XIST: variants seen among roughly 807,000 people sequenced by gnomAD.
XIST encodes the protein X inactive specific transcript (non-protein coding).
exon 1 of XIST, chrX:73,848,048 A>G: frequency 3.6e-6 from 2 of 559,289 alleles, no homozygotes; most frequent in Non-Finnish European, 3.2e-6. Context: ...TGGGGTCTTT[A>G]GTGCACAGGA....
chrX:73,850,356 A>C, exon 1 of XIST: 1 of 537,319 alleles, frequency 1.9e-6, no homozygotes, highest in Non-Finnish European at 3.3e-6. Context: ...AAAACTCATT[A>C]AATGTAATTA....
chrX:73,826,577 A>AAC (rs1279208476), exon 6 of XIST: 2 of 557,860 alleles, frequency 3.6e-6, no homozygotes, highest in African/African-American at 4.5e-5. Context: ...CTTAAAGATA[A>AAC]ACAGGAGAAC....
chrX:73,825,604 G>A (rs1922232155), exon 6 of XIST: 1 of 513,872 alleles, frequency 1.9e-6, no homozygotes, highest in Non-Finnish European at 3.5e-6. Flanking sequence ...AAATCCAATT[G>A]GCTCAAAAAC....
rs771156166 is a variant in XIST, at chrX:73,838,363, A to G, written n.11343-860T>C. On this transcript the variant is annotated intron_variant and non_coding_transcript_variant, in intron 1 of 5. Transcript: ENST00000429829. ...GCTTGGGTCTACTGCATAACCTCTC[A>G]TGTTTCCGGGAACACTAGAAGACTA... is the stretch of plus-strand genomic sequence containing the variant. Among the ~76,000 whole-genome samples, 20 of 111,132 alleles carry G rather than the reference A, an allele frequency of 1.8e-4. No individual in the cohort carries two copies. The East Asian group carries it at 4.5e-3, about 25-fold the overall frequency.
chrX:73,847,259 G>A (rs180923892), exon 1 of XIST: 5 of 555,467 alleles, frequency 9.0e-6, no homozygotes, highest in African/African-American at 4.5e-5. Context: ...AAGGAAGCGG[G>A]ATTCTACTCT....
rs1922969856 is a variant in XIST, at chrX:73,852,286, C to G, written n.438G>C. 1.1e-5 allele frequency: 6 copies of G among 541,936 alleles called. No individual in the cohort carries two copies. The East Asian group carries it at 2.0e-4, about 18-fold the overall frequency. 44.7% of individuals were successfully genotyped at this position (541,936 alleles called of 1,213,427 possible). On this transcript the variant is annotated non_coding_transcript_exon_variant, in exon 1 of 6. Transcript: ENST00000429829. The stretch of plus-strand genomic sequence containing the variant: ...AAAATAAAAAGCAGGTATCCGCGGC[C>G]CCGATGGGCGAATAAAAAAGAATTA...
intron 4 of XIST, chrX:73,829,495 T>A (rs1428318794): frequency 2.3e-5 from 5 of 222,034 alleles, no homozygotes; most frequent in Non-Finnish European, 3.2e-5. Flanking sequence ...TATACCTTAG[T>A]TAAAGACCAG....
At chrX:73,846,352 C>T (rs1922770459) in exon 1 of XIST, 1 of 558,865 alleles carries the variant, frequency 1.8e-6, no homozygotes, top group Non-Finnish European at 3.2e-6. Context: ...ATGTGAGAGT[C>T]TTATGGAGTG....
chrX:73,821,281 C>T (rs1178975578), exon 6 of XIST: 6 of 555,820 alleles, frequency 1.1e-5, no homozygotes, highest in Non-Finnish European at 1.6e-5. Context: ...TCCTTCTCCA[C>T]TTATGGATGT....
exon 1 of XIST, chrX:73,844,279 G>C (rs777603978): frequency 1.8e-6 from 1 of 559,097 alleles, no homozygotes; most frequent in Non-Finnish European, 3.2e-6. Context: ...ATACATTAAT[G>C]TCCAAGGGAC....
In XIST at chrX:73,851,710, T is replaced by C. The variant is rs1922947206; in HGVS notation, n.1014A>G. On this transcript the variant is annotated non_coding_transcript_exon_variant, in exon 1 of 6. Coordinates refer to ENST00000429829, the Ensembl canonical transcript of XIST. ...AATTCATTCAGATAGGTTTAGCTCATGCAATGCACATGACTTCCTCTGCCT... is the reference window on the plus strand; with the variant it reads ...AATTCATTCAGATAGGTTTAGCTCACGCAATGCACATGACTTCCTCTGCCT... 4 of 557,413 alleles carry C rather than the reference T, an allele frequency of 7.2e-6. No individual in the cohort carries two copies. The East Asian group carries it at 9.8e-5, about 14-fold the overall frequency. The allele number at this position is 557,413 out of a possible 1,213,427, so 45.9% of individuals were successfully genotyped here.
At chrX:73,848,037 G>C in exon 1 of XIST, 1 of 559,406 alleles carries the variant, frequency 1.8e-6, no homozygotes, top group Non-Finnish European at 3.2e-6. Context: ...AGGGAAGTGA[G>C]TGGGGTCTTT....
chrX:73,833,847 A>G (rs1922432932), intron 2 of XIST: 1 of 111,809 alleles, frequency 8.9e-6, no homozygotes, highest in South Asian at 3.8e-4. Context: ...ACTGTATAGT[A>G]TGGTGTGAAA....
At chrX:73,831,465 T>C (rs998641260) in intron 3 of XIST, 2 of 358,569 alleles carry the variant, frequency 5.6e-6, no homozygotes, top group Non-Finnish European at 9.7e-6. Context: ...AAAATTATCC[T>C]ATTCATTCCA....
chrX:73,846,007 T>C (rs746354906), exon 1 of XIST: 1 of 552,570 alleles, frequency 1.8e-6, no homozygotes, highest in Admixed American at 2.3e-5. Context: ...ATGTCCAAGG[T>C]GTATGCCTGT....
chrX:73,823,699 G>A (rs1922182823), exon 6 of XIST: 1 of 556,374 alleles, frequency 1.8e-6, no homozygotes, highest in African/African-American at 2.2e-5. Flanking sequence ...TCCTCAATCA[G>A]GCCAGGAAGC....
At chrX:73,848,529 A>T in exon 1 of XIST, 1 of 556,302 alleles carries the variant, frequency 1.8e-6, no homozygotes, top group Non-Finnish European at 3.2e-6. Context: ...ATGCACAAGA[A>T]GAGTCCTTGG....
chrX:73,839,205 C>G (rs751195695), intron 1 of XIST, among the ~76,000 whole-genome samples: 2 of 111,126 alleles, frequency 1.8e-5, no homozygotes, highest in Non-Finnish European at 3.8e-5. Flanking sequence ...CTGGGTCTCA[C>G]AGTCTTCTGT....
exon 6 of XIST, chrX:73,820,711 A>G (rs1354922738): frequency 1.8e-6 from 1 of 547,648 alleles, no homozygotes; most frequent in Non-Finnish European, 3.3e-6. Flanking sequence ...AGTTTGTTTC[A>G]ATTGTGACAT....
Sources: allele counts gnomAD v4.1 joint callset (sites outside exome capture counted in the v4.1 genomes callset), GRCh38; gene constraint gnomAD v4.1.1; transcripts MANE v1.5; gene names NCBI Gene and HGNC (gene_info 2026-07-23, HGNC 2026-07-21).